The following SPAG1 variants were observed in gnomAD, a reference collection of about 807,000 sequenced individuals.
SPAG1 encodes sperm associated antigen 1.
SPAG1 carries 69 observed loss-of-function variants against 100.5 expected under a neutral mutation model. The observed-to-expected ratio is 0.69, with a 90% CI of 0.57 to 0.84. The LOEUF (loss-of-function observed/expected upper bound fraction) is 0.84. SPAG1 is among the 40% of genes least tolerant of loss of function. SPAG1 has a pLI of 0.00. For synonymous variants in SPAG1, 336 were observed against 411.6 expected (o/e 0.82, Z 2.22); for missense variants, 955 against 1,133.1 (o/e 0.84, Z 2.26).
intron 1 of SPAG1, among the ~76,000 whole-genome samples, chr8:100,160,405 T>C (rs1388380720): frequency 6.6e-6 from 1 of 152,172 alleles, no homozygotes; most frequent in Non-Finnish European, 1.5e-5. Context: ...GGCAGGCAGA[T>C]CACTTGAGGT....
chr8:100,201,031 C>G (rs1032702072), intron 10 of SPAG1, among the ~76,000 whole-genome samples: 4 of 151,684 alleles, frequency 2.6e-5, no homozygotes, highest in African/African-American at 7.3e-5. Flanking sequence ...GTTGCTTGTA[C>G]TTTTGATATC....
chr8:100,203,416 C>T (rs1480811766), intron 10 of SPAG1, among the ~76,000 whole-genome samples: 1 of 152,140 alleles, frequency 6.6e-6, no homozygotes, highest in Non-Finnish European at 1.5e-5. Flanking sequence ...TCCAGAGGAA[C>T]AGACTATTAA....
chr8:100,162,184 CA>C, intron 1 of SPAG1, 94 bp from the exon 2 acceptor site: 3 of 1,096,664 alleles, frequency 2.7e-6, no homozygotes, highest in African/African-American at 1.6e-5. Context: ...TTTAAAAATT[CA>C]AAAAAATACA....
At chr8:100,221,226 G>A (rs542492258) in intron 13 of SPAG1, among the ~76,000 whole-genome samples, 29 of 152,234 alleles carry the variant, frequency 1.9e-4, no homozygotes, top group African/African-American at 7.0e-4. Flanking sequence ...CATATCTCTT[G>A]TTTCTCCTGA....
chr8:100,241,893 T>C lies in SPAG1; in HGVS notation c.*871T>C, dbSNP rs529790264. The C allele has an allele frequency of 2.0e-5, 3 of 152,348 alleles. No homozygotes were observed. Among genetic ancestry groups the C allele is most frequent in the Non-Finnish European group, 4.4e-5 (3 of 68,024 alleles). 9.4% of individuals were successfully genotyped at this position (152,348 alleles called of 1,614,324 possible). A position where few individuals can be genotyped will look rare whatever the true frequency, so the allele number is the denominator to read the frequency against. On this transcript the variant is annotated 3_prime_UTR_variant, in exon 19 of 19. Transcript: ENST00000388798. This position sits in a 1 kb window ranked among gnomAD's most constrained non-coding sequence, Gnocchi z 5.1. ...TGTTGACTGGGTCAAAGTGAAGGAA[T>C]TTCAATCTCCATCAGTGTACTGTCA...
At chr8:100,226,709 A>T (rs187394914) in intron 14 of SPAG1, among the ~76,000 whole-genome samples, 76 of 152,278 alleles carry the variant, frequency 5.0e-4, no homozygotes, top group African/African-American at 1.7e-3. Flanking sequence ...TCTCAAAAAA[A>T]AAAAATTTAA....
rs869222511 is a variant in SPAG1, at chr8:100,227,864, T to TTTG, written c.1855+2525_1855+2526insTTG. ...AGATTTTTTTTTTTTTTTTTTTTTT[T>TTTG]GAGACAGGATCTTGCTCTGTTGCGC... On this transcript the variant is annotated intron_variant, in intron 14 of 18. Coordinates refer to ENST00000388798, the MANE Select transcript of SPAG1 (RefSeq NM_003114.5). Among the ~76,000 whole-genome samples the TTTG allele has an allele frequency of 6.2e-4, 93 of 149,154 alleles. 1 individual carries two copies. Among genetic ancestry groups the TTTG allele is most frequent in the African/African-American group, 2.2e-3 (86 of 39,914 alleles).
At chr8:100,219,733 G>A (rs764376679) in intron 12 of SPAG1, among the ~76,000 whole-genome samples, 54 of 152,148 alleles carry the variant, frequency 3.5e-4, no homozygotes, top group Non-Finnish European at 6.2e-4. Flanking sequence ...AGACTAAAAC[G>A]TGCAAGATGA....
At chr8:100,214,965 C>T (rs1401910763) in intron 12 of SPAG1, among the ~76,000 whole-genome samples, 1 of 120,752 alleles carries the variant, frequency 8.3e-6, no homozygotes, top group African/African-American at 3.2e-5. Context: ...GGGCAACAGA[C>T]AAGAGACTCT....
chr8:100,164,025 C>G (rs75417406), intron 2 of SPAG1, among the ~76,000 whole-genome samples: 2 of 151,884 alleles, frequency 1.3e-5, no homozygotes, highest in African/African-American at 4.8e-5. Flanking sequence ...GTGAACAGAC[C>G]TAAGAAAGAA....
chr8:100,231,860 G>A (rs756940538), intron 15 of SPAG1, among the ~76,000 whole-genome samples: 15 of 152,020 alleles, frequency 9.9e-5, no homozygotes, highest in Non-Finnish European at 1.9e-4. Context: ...TACTCCGGAG[G>A]CTGAGGCAGG....
At chr8:100,177,471 TGTAA>T (rs1053495286) in intron 3 of SPAG1, among the ~76,000 whole-genome samples, 2 of 152,216 alleles carry the variant, frequency 1.3e-5, no homozygotes, top group Non-Finnish European at 2.9e-5. Flanking sequence ...ATTTATGGTC[TGTAA>T]GTGTTTGTGT....
intron 10 of SPAG1, among the ~76,000 whole-genome samples, chr8:100,204,385 A>C (rs1817418645): frequency 6.6e-6 from 1 of 152,212 alleles, no homozygotes; most frequent in African/African-American, 2.4e-5. Flanking sequence ...TCTGGAGAAC[A>C]GGCATGGGAA....
chr8:100,195,235 G>C (rs556604377), intron 10 of SPAG1, among the ~76,000 whole-genome samples: 21 of 152,080 alleles, frequency 1.4e-4, no homozygotes, highest in African/African-American at 5.1e-4. Context: ...ACTGGCAGTG[G>C]CGGGGCAGTG....
At chr8:100,203,890 G>A (rs1156513633) in intron 10 of SPAG1, among the ~76,000 whole-genome samples, 1 of 152,190 alleles carries the variant, frequency 6.6e-6, no homozygotes. Flanking sequence ...AACAAAAGGT[G>A]CGTGCACAGC....
intron 3 of SPAG1, among the ~76,000 whole-genome samples, chr8:100,166,767 C>T (rs1172671753): frequency 1.3e-5 from 2 of 151,924 alleles, no homozygotes; most frequent in Non-Finnish European, 2.9e-5. Flanking sequence ...ATTAGCTGGA[C>T]GTGGTGGCAT....
chr8:100,161,646 A>G (rs117530430), intron 1 of SPAG1, among the ~76,000 whole-genome samples: 3,019 of 152,220 alleles, frequency 0.02, 73 homozygotes, highest in Non-Finnish European at 0.024. Flanking sequence ...TCCACAAACA[A>G]GTTTATGGAG....
At chr8:100,220,189 G>C in intron 12 of SPAG1, 90 bp from the exon 13 acceptor site, 1 of 1,074,872 alleles carries the variant, frequency 9.3e-7, no homozygotes, top group Non-Finnish European at 1.3e-6. Context: ...ACATATTTGA[G>C]AGTTCAGTAC....
At chr8:100,172,470 A>G (rs1180086071) in intron 3 of SPAG1, among the ~76,000 whole-genome samples, 1 of 152,006 alleles carries the variant, frequency 6.6e-6, no homozygotes, top group Non-Finnish European at 1.5e-5. Context: ...AATACAAACA[A>G]TCAGCCAGGT....
Sources: gnomAD v4.1 joint callset for allele counts (sites outside exome capture counted in the v4.1 genomes callset) on GRCh38, gnomAD v4.1.1 for gene constraint, Gnocchi (gnomAD v3.1) non-coding constraint, MANE v1.5 for transcripts, NCBI Gene and HGNC (gene_info 2026-07-23, HGNC 2026-07-21) for gene names.